Variants in LRP1B observed in about 807,000 individuals in gnomAD.
LRP1B encodes the protein low-density lipoprotein receptor-related protein 1B.
A neutral mutation model predicts 556.6 loss-of-function variants in LRP1B; 217 were observed. The observed-to-expected ratio is 0.39, with a 90% confidence interval of 0.35 to 0.44. LRP1B has a LOEUF of 0.44. Ranked by LOEUF, LRP1B falls within the 20% of genes least tolerant of loss-of-function variation. The pLI is 1.00. For synonymous variants in LRP1B, 2,047 were observed against 1,865.8 expected (o/e 1.10, Z -2.50); for missense variants, 5,053 against 5,620.8 (o/e 0.90, Z 3.23).
intron 15 of LRP1B, among the ~76,000 whole-genome samples, chr2:140,995,122 T>C (rs1031121931): frequency 7.2e-5 from 11 of 152,056 alleles, no homozygotes; most frequent in Non-Finnish European, 1.3e-4. Flanking sequence ...ATTGAATAGC[T>C]ACTGAAACAA....
chr2:140,782,360 G>A (rs1013032062), intron 32 of LRP1B, among the ~76,000 whole-genome samples: 1 of 152,140 alleles, frequency 6.6e-6, no homozygotes. Flanking sequence ...CCATTAGGAC[G>A]GATCTTAATC....
chr2:141,397,945 A>G (rs528603989), intron 3 of LRP1B, among the ~76,000 whole-genome samples: 1 of 152,048 alleles, frequency 6.6e-6, no homozygotes, highest in Admixed American at 6.6e-5. Flanking sequence ...TAAACATCAG[A>G]GAGTTTAATG....
At chr2:141,261,376 A>C (rs1442491024) in intron 3 of LRP1B, among the ~76,000 whole-genome samples, 1 of 152,132 alleles carries the variant, frequency 6.6e-6, no homozygotes, top group Non-Finnish European at 1.5e-5. Flanking sequence ...CCATATTTTA[A>C]ATTCAGCAAA....
intron 43 of LRP1B, among the ~76,000 whole-genome samples, chr2:140,568,116 G>C (rs1398820164): frequency 6.8e-6 from 1 of 147,190 alleles, no homozygotes; most frequent in East Asian, 2.0e-4. Flanking sequence ...TAACTCTCCA[G>C]AAACTGACCC....
At chr2:140,980,001 A>G (rs558209470) in intron 18 of LRP1B, among the ~76,000 whole-genome samples, 1 of 152,222 alleles carries the variant, frequency 6.6e-6, no homozygotes, top group East Asian at 1.9e-4. Flanking sequence ...GTTTGCTGGT[A>G]TAGTTATTAG....
rs150784338 is a variant in LRP1B, at chr2:141,398,390, C to T, written c.343+82006G>A. 2.2e-4 allele frequency among the ~76,000 whole-genome samples: 33 copies of T among 152,184 alleles called. No individual in the cohort carries two copies. The East Asian group carries it at 6.2e-3, about 29-fold the overall frequency. ...GCCAAAAGAACTAATGTAACTGTAA[C>T]CTAAAAATATATGGAAATATTTATC... is the stretch of plus-strand genomic sequence containing the variant. On this transcript the variant is annotated intron_variant, in intron 3 of 90. Transcript: ENST00000389484.
At chr2:141,546,488 A>T (rs556616507) in intron 2 of LRP1B, among the ~76,000 whole-genome samples, 11 of 152,050 alleles carry the variant, frequency 7.2e-5, no homozygotes, top group African/African-American at 2.7e-4. Context: ...TCCTCTATTC[A>T]TCTATTGTTC....
chr2:141,185,018 G>A (rs901591024), intron 7 of LRP1B, among the ~76,000 whole-genome samples: 1 of 152,088 alleles, frequency 6.6e-6, no homozygotes, highest in East Asian at 1.9e-4. Flanking sequence ...TAGAATATTG[G>A]TCTCATTATT....
chr2:141,207,663 GTTTT>G (rs1256348440), intron 6 of LRP1B, among the ~76,000 whole-genome samples: 1 of 129,130 alleles, frequency 7.7e-6, no homozygotes, highest in East Asian at 1.9e-4. Flanking sequence ...GCATGTTTTT[GTTTT>G]TGTTTTTGTT....
At position 140,315,049 on chromosome 2, in the gene LRP1B, C is replaced by T. The variant is rs1419834168; in HGVS notation, c.12691G>A (p.Glu4231Lys). The T allele has an allele frequency of 6.2e-7, 1 of 1,611,494 alleles. No homozygotes were observed. Among genetic ancestry groups the T allele is most frequent in the Admixed American group, 1.7e-5 (1 of 59,694 alleles). ...CENGGRCILN[E>K]KGDLRCHCWP... Reference sequence around the variant, plus strand: ...CAGTGACACCTCAAATCACCTTTCTCATTTAAAATGCATCTTCCTCCATTT... The same window carrying T: ...CAGTGACACCTCAAATCACCTTTCTTATTTAAAATGCATCTTCCTCCATTT... The change falls in exon 83 of 91, where the codon GAG becomes AAG. Residue 4231 changes from glutamate (E) to lysine (K), a missense_variant. By Grantham distance (56) the Glu-to-Lys change is moderately conservative. Transcript: ENST00000389484.
intron 3 of LRP1B, among the ~76,000 whole-genome samples, chr2:141,317,128 A>C (rs1431028194): frequency 6.6e-6 from 1 of 152,174 alleles, no homozygotes; most frequent in Non-Finnish European, 1.5e-5. Context: ...TTGCCACACT[A>C]AGCACTGAGA....
chr2:140,959,313 T>A (rs974410981), intron 18 of LRP1B, among the ~76,000 whole-genome samples: 3 of 151,598 alleles, frequency 2.0e-5, no homozygotes, highest in African/African-American at 7.3e-5. Flanking sequence ...CATACATACA[T>A]AAATATTGAT....
chr2:140,542,170 G>T (rs1323237725), intron 43 of LRP1B, among the ~76,000 whole-genome samples, 199 bp from the exon 44 acceptor site: 2 of 151,926 alleles, frequency 1.3e-5, no homozygotes, highest in Non-Finnish European at 2.9e-5. Flanking sequence ...GTCATTGTTA[G>T]TGCTTGCAGT....
intron 2 of LRP1B, among the ~76,000 whole-genome samples, chr2:141,661,235 A>C (rs115256212): frequency 6.6e-6 from 1 of 152,184 alleles, no homozygotes; most frequent in Non-Finnish European, 1.5e-5. Context: ...TCCACGAAAA[A>C]AATGCTGAAA....
intron 3 of LRP1B, among the ~76,000 whole-genome samples, chr2:141,378,850 A>G (rs1406411057): frequency 6.6e-6 from 1 of 152,334 alleles, no homozygotes; most frequent in Non-Finnish European, 1.5e-5. Flanking sequence ...AAATATGAAG[A>G]AGAATGAACA....
chr2:140,377,265 C>G (rs890454225), intron 68 of LRP1B, among the ~76,000 whole-genome samples: 9 of 152,036 alleles, frequency 5.9e-5, no homozygotes, highest in African/African-American at 2.2e-4. Context: ...TTAGAAGAGA[C>G]AGGGTTTCAC....
At chr2:142,117,184 G>A (rs1707302162) in intron 1 of LRP1B, among the ~76,000 whole-genome samples, 1 of 152,024 alleles carries the variant, frequency 6.6e-6, no homozygotes, top group Non-Finnish European at 1.5e-5. Context: ...TTGTTTCTTA[G>A]AGCACTTTCA....
chr2:140,430,707 T>C (rs1057490636), intron 66 of LRP1B, among the ~76,000 whole-genome samples: 3 of 152,190 alleles, frequency 2.0e-5, no homozygotes, highest in African/African-American at 7.2e-5. Context: ...TTCTATTCTG[T>C]CTTCATTTCA....
At chr2:140,683,434 GC>G in intron 41 of LRP1B, 1 of 540,310 alleles carries the variant, frequency 1.9e-6, no homozygotes. Context: ...GGTGGATAGT[GC>G]CACCTGGGGT....
Sources: allele counts gnomAD v4.1 joint callset (sites outside exome capture counted in the v4.1 genomes callset), GRCh38; gene constraint gnomAD v4.1.1; transcripts MANE v1.5; gene names NCBI Gene and HGNC (gene_info 2026-07-23, HGNC 2026-07-21).